The following NEGR1 variants were observed in gnomAD, a reference collection of about 807,000 sequenced individuals.
The protein encoded by NEGR1 is IgLON family member 4.
Under a neutral mutation model 40.9 loss-of-function variants are expected in NEGR1, and 10 were observed. That is an observed-to-expected ratio of 0.24 (90% CI 0.15 to 0.42). NEGR1 has a LOEUF of 0.42. Among genes scored for constraint, NEGR1 ranks in the 10% least tolerant of loss-of-function variants. The pLI is 1.00. For synonymous variants in NEGR1, 185 were observed against 166.8 expected (o/e 1.11, Z -0.84); for missense variants, 352 against 438.9 (o/e 0.80, Z 1.77).
chr1:72,066,481 G>C (rs186247153), intron 1 of NEGR1, among the ~76,000 whole-genome samples: 96 of 152,252 alleles, frequency 6.3e-4, no homozygotes, highest in Middle Eastern at 6.8e-3. Context: ...GAACTGATTT[G>C]TGTCCTTCTG....
intron 6 of NEGR1, among the ~76,000 whole-genome samples, chr1:71,586,975 T>C (rs1297938737): frequency 6.6e-6 from 1 of 152,048 alleles, no homozygotes. Context: ...GCTGCGAGGA[T>C]AAAGCAGGTT....
intron 6 of NEGR1, among the ~76,000 whole-genome samples, chr1:71,507,115 A>T (rs1054650213): frequency 7.9e-5 from 12 of 152,238 alleles, no homozygotes; most frequent in Admixed American, 2.6e-4. Flanking sequence ...CTTCCAGCAG[A>T]GGTAGCCATA....
intron 6 of NEGR1, among the ~76,000 whole-genome samples, chr1:71,435,496 A>G (rs1646503444): frequency 6.6e-6 from 1 of 152,188 alleles, no homozygotes; most frequent in African/African-American, 2.4e-5. Context: ...ATCTGTCTGT[A>G]CAGGTTTTTA....
At chr1:72,208,986 G>A (rs751663914) in intron 1 of NEGR1, among the ~76,000 whole-genome samples, 24 of 151,342 alleles carry the variant, frequency 1.6e-4, no homozygotes, top group Non-Finnish European at 2.8e-4. Context: ...TTCTTTTCTA[G>A]AGTTTTTGCA....
chr1:71,809,481 T>A (rs374960460), intron 2 of NEGR1, among the ~76,000 whole-genome samples: 14 of 152,188 alleles, frequency 9.2e-5, no homozygotes, highest in East Asian at 5.8e-4. Flanking sequence ...GTATTAGGTA[T>A]TGGGGTAATA....
At chr1:71,738,530 G>A (rs948015046) in intron 3 of NEGR1, among the ~76,000 whole-genome samples, 2 of 152,108 alleles carry the variant, frequency 1.3e-5, no homozygotes, top group Non-Finnish European at 2.9e-5. Context: ...AGAGTGACAT[G>A]GGACACTACT....
At chr1:71,874,036 A>G (rs1230893779) in intron 2 of NEGR1, among the ~76,000 whole-genome samples, 2 of 152,176 alleles carry the variant, frequency 1.3e-5, no homozygotes, top group Admixed American at 6.6e-5. Context: ...TTCTACAAAC[A>G]GTATTCTAAT....
intron 1 of NEGR1, among the ~76,000 whole-genome samples, chr1:72,146,159 CTCT>C (rs1218262893): frequency 6.6e-6 from 1 of 152,058 alleles, no homozygotes; most frequent in African/African-American, 2.4e-5. Context: ...CAGGTTGAGC[CTCT>C]TCAATTCAAA....
At chr1:71,953,898 T>C (rs1314602613) in intron 1 of NEGR1, among the ~76,000 whole-genome samples, 2 of 152,006 alleles carry the variant, frequency 1.3e-5, no homozygotes, top group African/African-American at 2.4e-5. Flanking sequence ...CTTTTGTTTA[T>C]TGGTAAATTA....
intron 6 of NEGR1, among the ~76,000 whole-genome samples, chr1:71,476,518 G>C (rs758286517): frequency 6.6e-6 from 1 of 151,924 alleles, no homozygotes; most frequent in Admixed American, 6.6e-5. Flanking sequence ...AGATAGTAAC[G>C]TGTGGGGTAG....
chr1:71,452,379 AT>A (rs1646635308), intron 6 of NEGR1, among the ~76,000 whole-genome samples: 1 of 152,328 alleles, frequency 6.6e-6, no homozygotes, highest in South Asian at 2.1e-4. Flanking sequence ...AGATTTGAAA[AT>A]GATTTCTGAC....
intron 2 of NEGR1, among the ~76,000 whole-genome samples, chr1:71,850,929 A>C (rs1659579524): frequency 6.6e-6 from 1 of 152,170 alleles, no homozygotes; most frequent in African/African-American, 2.4e-5. Context: ...GTTTACAGTA[A>C]CTTCTGATTC....
At chr1:71,660,057 A>AAATAGTATTTGC (rs2101589627) in intron 4 of NEGR1, among the ~76,000 whole-genome samples, 2 of 152,360 alleles carry the variant, frequency 1.3e-5, no homozygotes, top group East Asian at 3.9e-4. Flanking sequence ...TTGCAATAGC[A>AAATAGTATTTGC]AAGATATGGA....
intron 2 of NEGR1, among the ~76,000 whole-genome samples, chr1:71,913,407 G>A (rs537565183): frequency 1.1e-4 from 17 of 152,176 alleles, no homozygotes; most frequent in Admixed American, 2.6e-4. Context: ...GAGCCACTGC[G>A]CCCAGCCGGA....
chr1:71,425,366 G>C (rs1191707181), intron 6 of NEGR1, among the ~76,000 whole-genome samples: 1 of 152,144 alleles, frequency 6.6e-6, no homozygotes, highest in African/African-American at 2.4e-5. Flanking sequence ...AGATGACACT[G>C]TATAGATGAC....
At chr1:71,655,107 C>T (rs1024856153) in intron 4 of NEGR1, among the ~76,000 whole-genome samples, 42 of 152,110 alleles carry the variant, frequency 2.8e-4, no homozygotes, top group African/African-American at 1.0e-3. Context: ...TAAAGAAGAA[C>T]TTATTAAGTA....
chr1:71,640,859 C>T (rs59886844), intron 4 of NEGR1, among the ~76,000 whole-genome samples: 5,573 of 151,926 alleles, frequency 0.037, 135 homozygotes, highest in African/African-American at 0.072. Flanking sequence ...GTATTCCCAA[C>T]ACAAAAAGTG....
intron 6 of NEGR1, among the ~76,000 whole-genome samples, chr1:71,502,854 G>T (rs1438617941): frequency 6.6e-6 from 1 of 152,212 alleles, no homozygotes; most frequent in African/African-American, 2.4e-5. Flanking sequence ...CAAGTGCAGA[G>T]TCCCAATCCA....
intron 6 of NEGR1, among the ~76,000 whole-genome samples, chr1:71,425,490 C>G: frequency 6.6e-6 from 1 of 152,116 alleles, no homozygotes; most frequent in East Asian, 1.9e-4. Context: ...TGCTATTATT[C>G]CACTGAGTTG....
Sources: allele counts gnomAD v4.1 joint callset (sites outside exome capture counted in the v4.1 genomes callset), GRCh38; gene constraint gnomAD v4.1.1; transcripts MANE v1.5; gene names NCBI Gene and HGNC (gene_info 2026-07-23, HGNC 2026-07-21).